Variants in TAF4B observed in about 807,000 individuals in gnomAD.
TAF4B encodes the protein TATA-box binding protein associated factor 4b.
Under a neutral mutation model 86.4 loss-of-function variants are expected in TAF4B, and 38 were observed. The observed-to-expected ratio is 0.44, with a 90% CI of 0.34 to 0.58. TAF4B has a LOEUF of 0.58. Among genes scored for constraint, TAF4B ranks in the 20% least tolerant of loss-of-function variants. The pLI, the probability that TAF4B is intolerant of heterozygous loss-of-function variation, is 0.02. For synonymous variants in TAF4B, 388 were observed against 391.2 expected (o/e 0.99, Z 0.10); for missense variants, 988 against 1,027.6 (o/e 0.96, Z 0.53).
At chr18:26,274,554 A>C (rs1288833953) in intron 3 of TAF4B, 109 bp from the exon 4 acceptor site, 4 of 1,222,652 alleles carry the variant, frequency 3.3e-6, no homozygotes, top group Non-Finnish European at 4.7e-6. Flanking sequence ...CTAGAGCATA[A>C]CATAAAACCA....
chr18:26,227,296 C>T lies in TAF4B; in HGVS notation c.343+20C>T. 1 of 1,600,442 alleles carries T rather than the reference C, an allele frequency of 6.2e-7. No homozygotes were observed. Among genetic ancestry groups the T allele is most frequent in the East Asian group, 2.3e-5 (1 of 43,758 alleles). On this transcript the variant is annotated intron_variant, in intron 1 of 14. Coordinates refer to ENST00000269142, the MANE Select transcript of TAF4B (RefSeq NM_005640.3). ...CTCCAGGTATGTTGATAACCCTTTC[C>T]AGCCTTGTCTGTCGGTCCAGCTGGC...
chr18:26,288,242 A>T (rs1271411711), intron 7 of TAF4B, among the ~76,000 whole-genome samples: 1 of 152,238 alleles, frequency 6.6e-6, no homozygotes, highest in South Asian at 2.1e-4. Flanking sequence ...ACATAGTTTT[A>T]AAAGCATGTC....
intron 14 of TAF4B, among the ~76,000 whole-genome samples, chr18:26,361,025 T>G (rs1189315142): frequency 1.3e-5 from 2 of 152,158 alleles, no homozygotes; most frequent in Non-Finnish European, 2.9e-5. Flanking sequence ...GACTGCCCAA[T>G]ATAGTAGCCC....
chr18:26,253,293 G>T (rs1332947746), intron 1 of TAF4B, among the ~76,000 whole-genome samples: 1 of 152,150 alleles, frequency 6.6e-6, no homozygotes, highest in East Asian at 1.9e-4. Flanking sequence ...AGAAAGGCTT[G>T]TTGAATTTTG....
chr18:26,351,656 A>G (rs1029098842), intron 13 of TAF4B, among the ~76,000 whole-genome samples: 11 of 152,198 alleles, frequency 7.2e-5, no homozygotes, highest in Middle Eastern at 3.2e-3. Flanking sequence ...AATATTCAAT[A>G]ATCAGTTATA....
At chr18:26,247,091 C>G (rs2055937538) in intron 1 of TAF4B, among the ~76,000 whole-genome samples, 1 of 152,006 alleles carries the variant, frequency 6.6e-6, no homozygotes, top group African/African-American at 2.4e-5. Flanking sequence ...TCTCGAACTC[C>G]CGATCTTAGG....
intron 13 of TAF4B, 24 bp from the exon 14 acceptor site, chr18:26,357,666 A>G (rs2057298304): frequency 2.0e-6 from 3 of 1,534,254 alleles, no homozygotes; most frequent in Admixed American, 1.7e-5. Flanking sequence ...ATAAACATTG[A>G]TATTTTTTTC....
intron 9 of TAF4B, among the ~76,000 whole-genome samples, chr18:26,312,411 C>T (rs1483284205): frequency 6.6e-6 from 1 of 152,046 alleles, no homozygotes; most frequent in Non-Finnish European, 1.5e-5. Context: ...CGCCTGCCAC[C>T]ATCTGTAACC....
At chr18:26,372,942 A>C (rs1222428465) in intron 14 of TAF4B, among the ~76,000 whole-genome samples, 5 of 146,910 alleles carry the variant, frequency 3.4e-5, no homozygotes, top group Non-Finnish European at 7.6e-5. Flanking sequence ...GCCTGGGCAA[A>C]AGAGCTAGAC....
chr18:26,313,954 C>T (rs575119134), intron 9 of TAF4B, among the ~76,000 whole-genome samples: 1 of 152,266 alleles, frequency 6.6e-6, no homozygotes, highest in South Asian at 2.1e-4. Context: ...AGATGGTAGC[C>T]ACTGCTCCTG....
At chr18:26,301,292 G>GTTT (rs373495502) in intron 9 of TAF4B, among the ~76,000 whole-genome samples, 7 of 143,368 alleles carry the variant, frequency 4.9e-5, no homozygotes, top group African/African-American at 1.5e-4. Flanking sequence ...TGTTGTTGTT[G>GTTT]TTTTTTTTTT....
chr18:26,387,597 G>T (rs913366596), intron 14 of TAF4B, among the ~76,000 whole-genome samples: 1 of 152,164 alleles, frequency 6.6e-6, no homozygotes, highest in African/African-American at 2.4e-5. Flanking sequence ...AGGCTTAGCT[G>T]AAGTACCAGA....
intron 6 of TAF4B, among the ~76,000 whole-genome samples, chr18:26,285,210 C>CTTTTTGTTTTTGTTTTTGTTTTTG (rs2056496451): frequency 4.7e-5 from 2 of 42,516 alleles, no homozygotes; most frequent in African/African-American, 8.0e-5. Context: ...TCTTCCTTTC[C>CTTTTTGTTTTTGTTTTTGTTTTTG]TTTTTTTTTT....
At chr18:26,346,852 T>C (rs918695544) in intron 13 of TAF4B, among the ~76,000 whole-genome samples, 1 of 8,348 alleles carries the variant, frequency 1.2e-4, no homozygotes, top group African/African-American at 2.5e-4. Flanking sequence ...TGTGTATATA[T>C]ATATATGTGT....
Position 26,293,782 on chromosome 18 carries a change from A to G in TAF4B, c.1832+251A>G, listed in dbSNP as rs577792038. 3.3e-5 allele frequency among the ~76,000 whole-genome samples: 5 copies of G among 152,256 alleles called. No homozygotes were observed. In the South Asian group the frequency reaches 1.0e-3, roughly 32 times the overall value. ...GATACTGAACATATTCATCACCTTTATGCACCTTTGAAATCAATTACCCTT... is the reference window on the plus strand; with the variant it reads ...GATACTGAACATATTCATCACCTTTGTGCACCTTTGAAATCAATTACCCTT... On this transcript the variant is annotated intron_variant, in intron 9 of 14. Coordinates refer to ENST00000269142, the MANE Select transcript of TAF4B (RefSeq NM_005640.3).
chr18:26,322,255 G>A (rs2056968872), intron 11 of TAF4B, among the ~76,000 whole-genome samples: 1 of 151,998 alleles, frequency 6.6e-6, no homozygotes, highest in South Asian at 2.1e-4. Context: ...AAGTTCCCTG[G>A]AGGAATCATA....
intron 1 of TAF4B, among the ~76,000 whole-genome samples, chr18:26,254,847 C>G (rs1311056756): frequency 1.3e-5 from 2 of 152,204 alleles, no homozygotes; most frequent in Non-Finnish European, 2.9e-5. Context: ...AGTTACCTTT[C>G]TGTATATTTA....
chr18:26,361,016 AC>A (rs1472374588), intron 14 of TAF4B, among the ~76,000 whole-genome samples: 1 of 152,108 alleles, frequency 6.6e-6, no homozygotes, highest in African/African-American at 2.4e-5. Flanking sequence ...GCACTGCAGG[AC>A]TGCCCAATAT....
At chr18:26,259,556 A>G (rs542444580) in intron 1 of TAF4B, among the ~76,000 whole-genome samples, 1 of 151,898 alleles carries the variant, frequency 6.6e-6, no homozygotes, top group Admixed American at 6.6e-5. Context: ...TCCTTACAAT[A>G]GTTTGCTGAG....
Sources: gnomAD v4.1 joint callset for allele counts (sites outside exome capture counted in the v4.1 genomes callset) on GRCh38, gnomAD v4.1.1 for gene constraint, MANE v1.5 for transcripts, NCBI Gene and HGNC (gene_info 2026-07-23, HGNC 2026-07-21) for gene names.